The following ITIH6 variants were observed in gnomAD, a reference collection of about 807,000 sequenced individuals.
ITIH6 encodes the protein inter-alpha-trypsin inhibitor heavy chain family member 6.
In ITIH6, 60 loss-of-function variants were observed where a neutral mutation model predicts 58.2. That is an observed-to-expected ratio of 1.03 (90% CI 0.84 to 1.28). The LOEUF is 1.28. Ranked by LOEUF, ITIH6 falls within the 50% of genes most tolerant of loss-of-function variation. The pLI is 0.00. For synonymous variants in ITIH6, 493 were observed against 417.4 expected (o/e 1.18, Z -2.21); for missense variants, 1,290 against 1,021.1 (o/e 1.26, Z -3.59).
intron 6 of ITIH6, among the ~76,000 whole-genome samples, chrX:54,769,922 C>T (rs370023464): frequency 1.2e-4 from 12 of 103,283 alleles, no homozygotes; most frequent in Admixed American, 3.1e-4. Flanking sequence ...TCGAGCTTCC[C>T]GGCTGCTTTG....
intron 2 of ITIH6, among the ~76,000 whole-genome samples, chrX:54,793,509 C>G (rs1050859190): frequency 1.8e-5 from 2 of 112,159 alleles, no homozygotes; most frequent in East Asian, 5.6e-4. Flanking sequence ...CTCTTTGTTT[C>G]ACAATCCACA....
rs747012026 is a variant in ITIH6 at position 54,774,206 on chromosome X, A to G, written c.787-9T>C. 1 of 160,725 alleles carries G rather than the reference A, an allele frequency of 6.2e-6. No individual in the cohort carries two copies. The highest frequency in any genetic ancestry group is 9.4e-6 in the Non-Finnish European group (1 of 105,952). The allele number at this position is 160,725 out of a possible 1,213,427, so 13.2% of individuals were successfully genotyped here. A position where few individuals can be genotyped will look rare whatever the true frequency, so the allele number is the denominator to read the frequency against. ...AAATAGTCATCGTAAATCTGGACCA[A>G]AAAAAAAAAAAAAAAAGTAGAACCA... is the stretch of plus-strand genomic sequence containing the variant. On this transcript the variant is annotated splice_polypyrimidine_tract_variant and intron_variant, in intron 5 of 12. Transcript: ENST00000218436.
intron 4 of ITIH6, among the ~76,000 whole-genome samples, chrX:54,789,172 G>T (rs184093173): frequency 7.1e-5 from 8 of 111,910 alleles, no homozygotes; most frequent in African/African-American, 2.6e-4. Context: ...TTCCCTCTCT[G>T]CCTTCTGACT....
chrX:54,758,552 G>C lies in ITIH6; in HGVS notation c.1522C>G (p.Gln508Glu). Residue 508 changes from glutamine to glutamate, a missense_variant, in exon 8 of 13, where the codon CAG (glutamine) becomes GAG (glutamate). Transcript: ENST00000218436. ...AGTTCCTGTTTGCCTGGCTGCACCT[G>C]TCCTGCCACCACCAGCTCAGAGCCA... is the stretch of plus-strand genomic sequence containing the variant. Reference protein sequence around the residue: ...FGGSELVVAGQVQPGKQELGI... With the variant: ...FGGSELVVAGEVQPGKQELGI... The C allele has an allele frequency of 8.3e-7, 1 of 1,211,245 alleles. No individual in the cohort carries two copies. Among genetic ancestry groups the C allele is most frequent in the Non-Finnish European group, 1.1e-6 (1 of 895,317 alleles).
chrX:54,783,755 T>C (rs1569544239), intron 5 of ITIH6, among the ~76,000 whole-genome samples: 1 of 111,952 alleles, frequency 8.9e-6, no homozygotes, highest in Non-Finnish European at 1.9e-5. Context: ...AAAGTGTCCA[T>C]ACTACCCAAA....
chrX:54,774,623 G>C (rs370297924), intron 5 of ITIH6, among the ~76,000 whole-genome samples: 2 of 113,018 alleles, frequency 1.8e-5, no homozygotes, highest in East Asian at 5.5e-4. Flanking sequence ...TTGCTGCCAG[G>C]GGCTGGGAGT....
At chrX:54,770,238 C>T (rs1358294676) in intron 6 of ITIH6, among the ~76,000 whole-genome samples, 3 of 112,569 alleles carry the variant, frequency 2.7e-5, no homozygotes, top group Non-Finnish European at 5.6e-5. Flanking sequence ...TGCTTCGGCT[C>T]GCGCATGGTG....
rs200494632 is a variant in ITIH6 at position 54,751,122 on chromosome X, T to C, written c.3611A>G (p.Tyr1204Cys). 238 of 1,206,913 alleles carry C rather than the reference T, an allele frequency of 2.0e-4. 2 individuals carry two copies. In the East Asian group the frequency reaches 7.0e-3, roughly 35 times the overall value. Residue 1204 changes from tyrosine (Y) to cysteine (C), a missense_variant, in exon 12 of 13, where the codon TAC (tyrosine) becomes TGC (cysteine). Physicochemically the swap from Tyr to Cys is radical, Grantham distance 194. Transcript: ENST00000218436. ...AARLTLRLGP[Y>C]LEFLVLRHRY... Reference sequence around the variant, plus strand: ...GTGTCGGAGGACTAGGAACTCAAGGTAGGGCCCAAGGCGGAGGGTAAGGCG... The same window carrying C: ...GTGTCGGAGGACTAGGAACTCAAGGCAGGGCCCAAGGCGGAGGGTAAGGCG...
At chrX:54,791,279 C>G (rs1318585707) in intron 3 of ITIH6, among the ~76,000 whole-genome samples, 195 bp from the exon 4 acceptor site, 1 of 109,136 alleles carries the variant, frequency 9.2e-6, no homozygotes, top group Non-Finnish European at 1.9e-5. Context: ...CTCCCTCCCT[C>G]ATTCAGCCTC....
chrX:54,749,976 G>A lies in ITIH6; in HGVS notation c.3861C>T (p.Pro1287=). Residue 1287 remains proline, a synonymous_variant, in exon 13 of 13, where the codon CCC becomes CCT. Transcript: ENST00000218436. ...RLLKDSPRLL[P]RWASCWLVKR... is the part of the protein sequence containing the mutation. ...TCACCAGCCAGCAGGAAGCCCAGCG[G>A]GGCAGCAGCCTTGGTGAGTCCTTCA... is the stretch of plus-strand genomic sequence containing the variant. 8.3e-7 allele frequency: 1 copy of A among 1,211,738 alleles called. No homozygotes were observed. The highest frequency in any genetic ancestry group is 1.1e-6 in the Non-Finnish European group (1 of 895,435).
chrX:54,763,960 A>T (rs925604463), intron 6 of ITIH6, among the ~76,000 whole-genome samples: 1 of 111,973 alleles, frequency 8.9e-6, no homozygotes, highest in African/African-American at 3.2e-5. Context: ...ATTGCTGAAA[A>T]TTTCCTTGCT....
rs1202874763 is a variant in ITIH6 at position 54,753,672 on chromosome X, G to A, written c.3331C>T (p.Leu1111Phe). ...LNGHPGDLLQ[L>F]IEDPKAGLHV... ...TTACCTGCCTTTGGGTCCTCTATGA[G>A]CTGCAGCAAGTCCCCAGGGTGCCCA... Residue 1111 changes from leucine to phenylalanine, a missense_variant, in exon 11 of 13, where the codon CTC becomes TTC. Transcript: ENST00000218436. 4.1e-6 allele frequency: 5 copies of A among 1,206,870 alleles called. No individual in the cohort carries two copies. The African/African-American group carries it at 7.0e-5, about 17-fold the overall frequency.
In ITIH6 at chrX:54,791,312, T is replaced by A. The variant is rs774779488; in HGVS notation, c.369-228A>T. Among the ~76,000 whole-genome samples, 3 of 108,779 alleles carry A rather than the reference T, an allele frequency of 2.8e-5. No homozygotes were observed. In the East Asian group the frequency reaches 8.7e-4, roughly 32 times the overall value. 94.5% of individuals were successfully genotyped at this position (108,779 alleles called of 115,157 possible). A position where few individuals can be genotyped will look rare whatever the true frequency, so the allele number is the denominator to read the frequency against. On this transcript the variant is annotated intron_variant, in intron 3 of 12. Coordinates refer to ENST00000218436, the MANE Select transcript of ITIH6 (RefSeq NM_198510.3). ...CTCCTAAATATTCTGCTTGAGAAAT[T>A]ATCTCACAGGTGGTCCACCCTTAAG...
At chrX:54,790,177 G>A (rs1221649760) in intron 4 of ITIH6, among the ~76,000 whole-genome samples, 3 of 101,805 alleles carry the variant, frequency 2.9e-5, no homozygotes, top group Non-Finnish European at 6.0e-5. Context: ...GGCCAGCTCC[G>A]TGATTCTCCA....
chrX:54,781,502 A>G (rs1343470073), intron 5 of ITIH6, among the ~76,000 whole-genome samples: 1 of 112,594 alleles, frequency 8.9e-6, no homozygotes, highest in East Asian at 2.8e-4. Flanking sequence ...GTTGATCATT[A>G]GAGAAACACA....
At chrX:54,796,540 C>T (rs1370908825) in intron 2 of ITIH6, among the ~76,000 whole-genome samples, 2 of 109,874 alleles carry the variant, frequency 1.8e-5, no homozygotes, top group African/African-American at 3.3e-5. Flanking sequence ...AAAAATTAGC[C>T]GGGTGTGGTG....
At chrX:54,768,281 G>T (rs1168808618) in intron 6 of ITIH6, among the ~76,000 whole-genome samples, 4 of 67,715 alleles carry the variant, frequency 5.9e-5, no homozygotes, top group Admixed American at 3.6e-4. Context: ...GAGCCTATGT[G>T]TGTCTCTGCA....
rs1290517712 is a variant in ITIH6 at position 54,766,821 on chromosome X, G to A, written c.904-6894C>T. Among the ~76,000 whole-genome samples the A allele has an allele frequency of 2.9e-5, 3 of 102,678 alleles. No individual in the cohort carries two copies. The Admixed American group carries it at 3.1e-4, about 11-fold the overall frequency. 89.2% of individuals were successfully genotyped at this position (102,678 alleles called of 115,157 possible). ...TTTTATTGAGGATTTTTGCATCAAT[G>A]TTCATCAAGGATATTGGTCTAAAAT... On this transcript the variant is annotated intron_variant, in intron 6 of 12. Coordinates refer to ENST00000218436, the MANE Select transcript of ITIH6 (RefSeq NM_198510.3).
intron 5 of ITIH6, among the ~76,000 whole-genome samples, chrX:54,781,879 C>T (rs1929155754): frequency 8.9e-6 from 1 of 112,131 alleles, no homozygotes; most frequent in African/African-American, 3.2e-5. Context: ...GGTACATATA[C>T]ACCATGAAAT....
Sources: gnomAD v4.1 joint callset for allele counts (sites outside exome capture counted in the v4.1 genomes callset) on GRCh38, gnomAD v4.1.1 for gene constraint, MANE v1.5 for transcripts, NCBI Gene and HGNC (gene_info 2026-07-23, HGNC 2026-07-21) for gene names.